Variants in ERBB4 observed in about 807,000 individuals in gnomAD.
The protein encoded by ERBB4 is erb-b2 receptor tyrosine kinase 4.
A neutral mutation model predicts 158.0 loss-of-function variants in ERBB4; 42 were observed. The ratio of observed to expected loss-of-function variants is 0.27; its 90% CI spans 0.21 to 0.34. The LOEUF is 0.34. ERBB4 is among the 10% of genes least tolerant of loss of function. ERBB4 has a pLI of 1.00. For missense variants in ERBB4, 1,333 were observed against 1,624.1 expected (o/e 0.82, Z 3.08); for synonymous variants, 583 against 558.7 (o/e 1.04, Z -0.61).
intron 4 of ERBB4, among the ~76,000 whole-genome samples, chr2:211,751,760 T>C (rs1575094786): frequency 6.6e-6 from 1 of 152,190 alleles, no homozygotes. Context: ...TGGAGTGTTT[T>C]CCCGCCTCCA....
At chr2:211,408,356 G>T (rs921725180) in intron 25 of ERBB4, among the ~76,000 whole-genome samples, 5 of 152,068 alleles carry the variant, frequency 3.3e-5, no homozygotes, top group Non-Finnish European at 7.4e-5. Flanking sequence ...TCAATCTAAG[G>T]ATCCTCTCTA....
At chr2:212,151,894 A>C (rs2080885366) in intron 1 of ERBB4, among the ~76,000 whole-genome samples, 1 of 152,174 alleles carries the variant, frequency 6.6e-6, no homozygotes, top group South Asian at 2.1e-4. Context: ...GGCCATAATC[A>C]CATCCAAAAT....
At chr2:211,411,129 C>T (rs1168235324) in intron 25 of ERBB4, among the ~76,000 whole-genome samples, 4 of 152,058 alleles carry the variant, frequency 2.6e-5, no homozygotes, top group Non-Finnish European at 5.9e-5. Flanking sequence ...GGATGGTCTC[C>T]ATCTCCTGAC....
chr2:211,933,563 G>A (rs1004778393), intron 3 of ERBB4, among the ~76,000 whole-genome samples: 1 of 151,966 alleles, frequency 6.6e-6, no homozygotes, highest in Non-Finnish European at 1.5e-5. Flanking sequence ...CAATGAAAAT[G>A]TATACCTAAA....
chr2:211,983,515 A>G (rs907634615), intron 2 of ERBB4, among the ~76,000 whole-genome samples: 2 of 152,208 alleles, frequency 1.3e-5, no homozygotes, highest in South Asian at 2.1e-4. Context: ...TTTGTCATGC[A>G]TTTGTAAAGT....
intron 1 of ERBB4, among the ~76,000 whole-genome samples, chr2:212,310,313 A>G (rs906832116): frequency 2.0e-5 from 3 of 150,808 alleles, no homozygotes; most frequent in Admixed American, 1.3e-4. Flanking sequence ...CATCAAATTT[A>G]TGTCTCTTTA....
intron 1 of ERBB4, among the ~76,000 whole-genome samples, chr2:212,134,018 T>C (rs547607625): frequency 1.3e-4 from 20 of 152,272 alleles, no homozygotes; most frequent in African/African-American, 4.8e-4. Context: ...ATAATTTTTT[T>C]CAATTGATGG....
At chr2:212,418,048 G>T (rs749750744) in intron 1 of ERBB4, among the ~76,000 whole-genome samples, 25 of 151,930 alleles carry the variant, frequency 1.6e-4, no homozygotes, top group Non-Finnish European at 2.7e-4. Context: ...AGCAAGTCAG[G>T]AAGAAGGCCC....
chr2:212,085,844 A>G (rs575334848), intron 2 of ERBB4, among the ~76,000 whole-genome samples: 1 of 47,138 alleles, frequency 2.1e-5, no homozygotes, highest in Non-Finnish European at 7.5e-5. Flanking sequence ...ATAATCCCCC[A>G]AAATAAAGTT....
chr2:212,025,904 T>A (rs1352069018), intron 2 of ERBB4, among the ~76,000 whole-genome samples: 4 of 151,872 alleles, frequency 2.6e-5, no homozygotes, highest in African/African-American at 9.6e-5. Flanking sequence ...ATTTGCTATA[T>A]CTTATGTGAC....
chr2:211,424,164 T>A lies in ERBB4; in HGVS notation c.2857A>T (p.Met953Leu), dbSNP rs1249939343. The stretch of plus-strand genomic sequence containing the variant: ...TATTTTGCAGTCTTACATTTGACCA[T>A]GACCATGTAAACGTCAATAGTGCAG... ...PICTIDVYMV[M>L]VKCWMIDADS... Residue 953 changes from methionine (M) to leucine (L), a missense_variant, in exon 23 of 28, where the codon ATG (methionine) becomes TTG (leucine). Around this residue, in one of 5 missense-constraint regions of ERBB4, gnomAD observed 314 missense variants for 437.6 expected, o/e 0.72. Transcript: ENST00000342788. 2 of 1,613,296 alleles carry A rather than the reference T, an allele frequency of 1.2e-6. No homozygotes were observed. Among genetic ancestry groups the A allele is most frequent in the East Asian group, 2.2e-5 (1 of 44,836 alleles).
At chr2:212,331,566 A>G (rs2088174385) in intron 1 of ERBB4, among the ~76,000 whole-genome samples, 1 of 152,048 alleles carries the variant, frequency 6.6e-6, no homozygotes, top group African/African-American at 2.4e-5. Flanking sequence ...AACAGATCCC[A>G]ATCTAAAGCA....
intron 20 of ERBB4, among the ~76,000 whole-genome samples, chr2:211,454,331 G>T (rs1483441148): frequency 2.6e-5 from 4 of 152,132 alleles, no homozygotes; most frequent in African/African-American, 4.8e-5. Flanking sequence ...ATAAATAAAA[G>T]CTTAGAGGCA....
chr2:212,286,595 T>TTGTTTTTTTTTTTTG (rs1553611170), intron 1 of ERBB4, among the ~76,000 whole-genome samples: 2 of 22,224 alleles, frequency 9.0e-5, no homozygotes, highest in African/African-American at 4.4e-4. Flanking sequence ...AAGTGCTGAC[T>TTGTTTTTTTTTTTTG]TTTTTTTTTT....
intron 20 of ERBB4, among the ~76,000 whole-genome samples, chr2:211,544,572 A>C (rs2066894528): frequency 6.6e-6 from 1 of 152,032 alleles, no homozygotes; most frequent in Non-Finnish European, 1.5e-5. Context: ...CAGTTTTTTC[A>C]GGTAAAATGA....
chr2:212,036,185 T>A (rs940113522), intron 2 of ERBB4, among the ~76,000 whole-genome samples: 2 of 152,136 alleles, frequency 1.3e-5, no homozygotes, highest in African/African-American at 4.8e-5. Flanking sequence ...GAGAAGACAG[T>A]TAGCCTACTG....
At chr2:212,531,322 A>G (rs543475835) in intron 1 of ERBB4, among the ~76,000 whole-genome samples, 11 of 152,304 alleles carry the variant, frequency 7.2e-5, no homozygotes, top group African/African-American at 2.4e-4. Flanking sequence ...GGTCAAAAAT[A>G]TTGCAGTCAA....
At chr2:211,501,186 T>G (rs921348572) in intron 20 of ERBB4, among the ~76,000 whole-genome samples, 1 of 152,000 alleles carries the variant, frequency 6.6e-6, no homozygotes, top group Non-Finnish European at 1.5e-5. Flanking sequence ...CAAACTTCCC[T>G]CACAGAAGAA....
chr2:211,665,629 G>A (rs1559396032), intron 14 of ERBB4, 152 bp from the exon 15 acceptor site: 2 of 742,932 alleles, frequency 2.7e-6, no homozygotes, highest in Non-Finnish European at 4.6e-6. Flanking sequence ...AAATGTGGAT[G>A]TAATTTTTGT....
Sources: allele counts gnomAD v4.1 joint callset (sites outside exome capture counted in the v4.1 genomes callset), GRCh38; gene constraint gnomAD v4.1.1; regional missense constraint gnomAD v4.1.1; transcripts MANE v1.5; gene names NCBI Gene and HGNC (gene_info 2026-07-23, HGNC 2026-07-21).